Variants in KLHL29 observed in about 807,000 individuals in gnomAD.
KLHL29 encodes kelch-like protein 29.
Under a neutral mutation model 80.4 loss-of-function variants are expected in KLHL29, and 21 were observed. The ratio of observed to expected loss-of-function variants is 0.26; its 90% CI spans 0.19 to 0.38. The LOEUF (loss-of-function observed/expected upper bound fraction) is 0.38. Among genes scored for constraint, KLHL29 ranks in the 10% least tolerant of loss-of-function variants. The pLI is 1.00. For synonymous variants in KLHL29, 511 were observed against 526.8 expected (o/e 0.97, Z 0.41); for missense variants, 867 against 1,223.9 (o/e 0.71, Z 4.35).
Position 23,708,329 on chromosome 2 carries a change from G to A in KLHL29, c.*1665G>A, listed in dbSNP as rs1250704714. On this transcript the variant is annotated 3_prime_UTR_variant, in exon 14 of 14. Coordinates refer to ENST00000486442, the MANE Select transcript of KLHL29 (RefSeq NM_052920.2). ...AGTATTTATGTCAAACAGGGTGCAA[G>A]TGTGAACCCAAGGACTGGAGCACAA... 1.3e-5 allele frequency: 2 copies of A among 152,226 alleles called. No individual in the cohort carries two copies. The highest frequency in any genetic ancestry group is 1.9e-4 in the East Asian group (1 of 5,202). 9.4% of individuals were successfully genotyped at this position (152,226 alleles called of 1,614,324 possible). A position where few individuals can be genotyped will look rare whatever the true frequency, so the allele number is the denominator to read the frequency against.
Position 23,453,184 on chromosome 2 carries a change from G to T in KLHL29, c.-153-22376G>T, listed in dbSNP as rs575656834. On this transcript the variant is annotated intron_variant, in intron 1 of 13. Coordinates refer to ENST00000486442, the MANE Select transcript of KLHL29 (RefSeq NM_052920.2). ...CTACGATGTTCTTATTGACTTGAGG[G>T]TTTAGACAGTGTCTCTGAAAATTCT... Among the ~76,000 whole-genome samples the T allele has an allele frequency of 1.6e-4, 24 of 152,080 alleles. No homozygotes were observed. In the East Asian group the frequency reaches 4.0e-3, roughly 26 times the overall value.
At chr2:23,410,065 C>T (rs530171274) in intron 1 of KLHL29, among the ~76,000 whole-genome samples, 2 of 152,012 alleles carry the variant, frequency 1.3e-5, no homozygotes, top group East Asian at 1.9e-4. Flanking sequence ...ATGGCACAGG[C>T]GGAGAGTGGA....
At chr2:23,524,659 A>G (rs962338230) in intron 2 of KLHL29, among the ~76,000 whole-genome samples, 1 of 152,270 alleles carries the variant, frequency 6.6e-6, no homozygotes, top group East Asian at 1.9e-4. Flanking sequence ...CTCTGATTCG[A>G]TCTGTTCCGT....
chr2:23,668,330 TGCA>T (rs1204891241), intron 5 of KLHL29: 2 of 152,284 alleles, frequency 1.3e-5, no homozygotes, highest in Non-Finnish European at 2.9e-5. Flanking sequence ...GGCACTGGGG[TGCA>T]GAGACTAGTC....
At chr2:23,670,939 T>C (rs1022398895) in intron 5 of KLHL29, among the ~76,000 whole-genome samples, 2 of 13,460 alleles carry the variant, frequency 1.5e-4, no homozygotes, top group Non-Finnish European at 1.9e-4. Context: ...TCTCTCTCTC[T>C]CTCTCTCTCT....
At chr2:23,648,709 G>A (rs929339437) in intron 5 of KLHL29, among the ~76,000 whole-genome samples, 2 of 152,162 alleles carry the variant, frequency 1.3e-5, no homozygotes, top group Admixed American at 6.5e-5. Context: ...CCATGGCCAC[G>A]TCAATAGATG....
At chr2:23,462,461 AG>A (rs1457298573) in intron 1 of KLHL29, among the ~76,000 whole-genome samples, 1 of 152,182 alleles carries the variant, frequency 6.6e-6, no homozygotes, top group Non-Finnish European at 1.5e-5. Context: ...CTCTGTCACT[AG>A]GGAGTCTGGA....
Position 23,658,442 on chromosome 2 carries a change from G to A in KLHL29, c.940+15592G>A, listed in dbSNP as rs560505449. 4.1e-4 allele frequency among the ~76,000 whole-genome samples: 62 copies of A among 152,248 alleles called. 1 individual carries two copies. The highest frequency in any genetic ancestry group is 3.5e-3 in the East Asian group (18 of 5,158). ...GATTAGAGGGCAGGCAGCCTCATTC[G>A]GGCTCCCCACAAGGCTCACAGAAGC... On this transcript the variant is annotated intron_variant, in intron 5 of 13. Transcript: ENST00000486442.
intron 1 of KLHL29, among the ~76,000 whole-genome samples, chr2:23,418,076 G>A (rs1324777942): frequency 6.6e-6 from 1 of 152,300 alleles, no homozygotes; most frequent in Non-Finnish European, 1.5e-5. Context: ...CTGGCATATT[G>A]TAGACACGCT....
At chr2:23,499,214 G>T (rs1665360815) in intron 2 of KLHL29, among the ~76,000 whole-genome samples, 1 of 152,042 alleles carries the variant, frequency 6.6e-6, no homozygotes, top group Admixed American at 6.5e-5. Flanking sequence ...TTGATTTCTG[G>T]CTGCTCAGGG....
intron 1 of KLHL29, among the ~76,000 whole-genome samples, chr2:23,392,877 G>T (rs1666353631): frequency 6.6e-6 from 1 of 152,192 alleles, no homozygotes; most frequent in Admixed American, 6.5e-5. Flanking sequence ...CTAGTAGAAG[G>T]AATGTGAGCT....
intron 2 of KLHL29, among the ~76,000 whole-genome samples, chr2:23,530,425 C>T (rs2103477215): frequency 6.6e-6 from 1 of 152,204 alleles, no homozygotes; most frequent in East Asian, 1.9e-4. Context: ...TGCTGGAGAC[C>T]TGTTTTAGGA....
intron 1 of KLHL29, among the ~76,000 whole-genome samples, chr2:23,437,845 A>G (rs1398583002): frequency 6.6e-6 from 1 of 152,216 alleles, no homozygotes; most frequent in Non-Finnish European, 1.5e-5. Flanking sequence ...AATTCTGTGA[A>G]GAAACTCATT....
At chr2:23,674,931 A>G (rs2149179302) in intron 5 of KLHL29, among the ~76,000 whole-genome samples, 1 of 151,030 alleles carries the variant, frequency 6.6e-6, no homozygotes, top group Non-Finnish European at 1.5e-5. Flanking sequence ...CCCCCAGCCC[A>G]CCTTCAGGCT....
chr2:23,513,407 C>A (rs781111045), intron 2 of KLHL29, among the ~76,000 whole-genome samples: 5 of 152,180 alleles, frequency 3.3e-5, no homozygotes, highest in Non-Finnish European at 7.3e-5. Flanking sequence ...TGCCTGCCCT[C>A]GGAAATCCTC....
chr2:23,387,709 G>A (rs755915459), intron 1 of KLHL29, among the ~76,000 whole-genome samples: 1 of 152,078 alleles, frequency 6.6e-6, no homozygotes, highest in Non-Finnish European at 1.5e-5. Flanking sequence ...CATAATCTAG[G>A]TGTTTATACA....
At chr2:23,433,509 G>T (rs943485730) in intron 1 of KLHL29, among the ~76,000 whole-genome samples, 1 of 135,206 alleles carries the variant, frequency 7.4e-6, no homozygotes, top group Non-Finnish European at 1.5e-5. Context: ...TGGGACATTG[G>T]TCTGGGGACA....
rs1322099469 is a variant in KLHL29, at chr2:23,680,453, C to T, written c.941-3946C>T. Among the ~76,000 whole-genome samples the T allele has an allele frequency of 6.6e-6, 1 of 152,202 alleles. No individual in the cohort carries two copies. Among genetic ancestry groups the T allele is most frequent in the African/African-American group, 2.4e-5 (1 of 41,446 alleles). ...AGCAAGGCCAGGGTGTGCAGTCCCA[C>T]AGACGTAGGCGGGCATCCCGCTCAA... On this transcript the variant is annotated intron_variant, in intron 5 of 13. Coordinates refer to ENST00000486442, the MANE Select transcript of KLHL29 (RefSeq NM_052920.2). The surrounding 1 kb of genome is among the most constrained non-coding windows in gnomAD (Gnocchi z 4.1).
intron 1 of KLHL29, among the ~76,000 whole-genome samples, chr2:23,400,431 T>C (rs1318657266): frequency 6.6e-6 from 1 of 152,216 alleles, no homozygotes; most frequent in African/African-American, 2.4e-5. Flanking sequence ...CTGTGACCCA[T>C]TCTTGGGTGA....
Sources: allele counts gnomAD v4.1 joint callset (sites outside exome capture counted in the v4.1 genomes callset), GRCh38; gene constraint gnomAD v4.1.1; non-coding constraint Gnocchi (gnomAD v3.1); transcripts MANE v1.5; gene names NCBI Gene and HGNC (gene_info 2026-07-23, HGNC 2026-07-21).